The following NBDY variants were observed in gnomAD, a reference collection of about 807,000 sequenced individuals.
NBDY encodes the protein negative regulator of P-body association.
intron 2 of NBDY, among the ~76,000 whole-genome samples, chrX:56,735,902 T>C (rs1289010975): frequency 9.4e-6 from 1 of 106,553 alleles, no homozygotes; most frequent in African/African-American, 3.5e-5. Context: ...CAAAAGAAAA[T>C]TGACATGATT....
chrX:56,760,178 C>A (rs1471622703), intron 2 of NBDY, among the ~76,000 whole-genome samples: 1 of 113,084 alleles, frequency 8.8e-6, no homozygotes, highest in African/African-American at 3.2e-5. Context: ...TGGGGGGAAA[C>A]CCTGCCTTGG....
In NBDY at chrX:56,746,139, C is replaced by T. The variant is rs778917580; in HGVS notation, c.*166+13940C>T. On this transcript the variant is annotated intron_variant, in intron 2 of 2. Transcript: ENST00000374922. ...CCTACTTCAGAGCATTTACTTAGTCCGGTTGGTTGTCTGTCTGTGTATTCA... is the reference window on the plus strand; with the variant it reads ...CCTACTTCAGAGCATTTACTTAGTCTGGTTGGTTGTCTGTCTGTGTATTCA... Among the ~76,000 whole-genome samples, 99 of 111,560 alleles carry T rather than the reference C, an allele frequency of 8.9e-4. No individual in the cohort carries two copies. In the Middle Eastern group the frequency reaches 0.014, roughly 16 times the overall value.
rs370414415 is a variant in NBDY, at chrX:56,750,332, A to G, written c.*166+18133A>G. Among the ~76,000 whole-genome samples the G allele has an allele frequency of 4.1e-3, 460 of 111,070 alleles. 1 individual carries two copies. The highest frequency in any genetic ancestry group is 5.7e-3 in the Non-Finnish European group (304 of 52,969). On this transcript the variant is annotated intron_variant, in intron 2 of 2. Transcript: ENST00000374922. Reference sequence around the variant, plus strand: ...TCTTCTCTTCTAGTTCTCCTTTTACATATCTGGCCATTGTTTCTAACTATT... The same window carrying G: ...TCTTCTCTTCTAGTTCTCCTTTTACGTATCTGGCCATTGTTTCTAACTATT...
At chrX:56,794,706 C>G (rs977998234) in intron 2 of NBDY, among the ~76,000 whole-genome samples, 2 of 111,847 alleles carry the variant, frequency 1.8e-5, no homozygotes, top group Non-Finnish European at 3.8e-5. Flanking sequence ...TGGGCCCCTG[C>G]CGATTCCTCT....
chrX:56,758,689 A>G (rs1228339498), intron 2 of NBDY, among the ~76,000 whole-genome samples: 1 of 111,789 alleles, frequency 8.9e-6, no homozygotes, highest in Admixed American at 9.4e-5. Flanking sequence ...GGCAGTGCTC[A>G]GTTTCTCCTG....
intron 2 of NBDY, among the ~76,000 whole-genome samples, chrX:56,744,332 C>T (rs187450319): frequency 1.4e-3 from 154 of 111,488 alleles, no homozygotes; most frequent in African/African-American, 4.7e-3. Flanking sequence ...CTGTAAATAT[C>T]TGTTAGGTCC....
intron 2 of NBDY, among the ~76,000 whole-genome samples, chrX:56,767,483 G>C (rs1335908765): frequency 8.8e-6 from 1 of 113,126 alleles, no homozygotes; most frequent in African/African-American, 3.2e-5. Context: ...CTTGCGGGGA[G>C]GTGTGGAGGG....
At chrX:56,792,243 C>T (rs755401583) in intron 2 of NBDY, among the ~76,000 whole-genome samples, 2 of 111,251 alleles carry the variant, frequency 1.8e-5, no homozygotes, top group South Asian at 3.8e-4. Flanking sequence ...TCGTGGTGAA[C>T]GCACCCTTAC....
intron 2 of NBDY, among the ~76,000 whole-genome samples, chrX:56,742,180 T>G (rs1374050673): frequency 1.8e-5 from 2 of 111,531 alleles, no homozygotes; most frequent in African/African-American, 6.5e-5. Context: ...TTATCTTTCA[T>G]TGGTCTATGT....
rs1004004964 is a variant in NBDY, at chrX:56,749,653, C to T, written c.*166+17454C>T. ...TGTTGTCATGTCCCCACATTTGCAT[C>T]CTTTTTTTTTTTTTTTGAGACAGGG... On this transcript the variant is annotated intron_variant, in intron 2 of 2. Coordinates refer to ENST00000374922, the MANE Select transcript of NBDY (RefSeq NM_001348129.2). 8.1e-5 allele frequency among the ~76,000 whole-genome samples: 3 copies of T among 36,915 alleles called. No homozygotes were observed. The Admixed American group carries it at 1.8e-3, about 22-fold the overall frequency. 32.1% of individuals were successfully genotyped at this position (36,915 alleles called of 115,157 possible).
intron 1 of NBDY, among the ~76,000 whole-genome samples, chrX:56,731,731 A>T (rs1288107740): frequency 8.9e-6 from 1 of 111,737 alleles, no homozygotes; most frequent in African/African-American, 3.2e-5. Context: ...TTTATGTGCC[A>T]ATTTTCTAAA....
intron 2 of NBDY, among the ~76,000 whole-genome samples, chrX:56,797,521 A>G (rs1181529840): frequency 2.7e-5 from 3 of 110,329 alleles, no homozygotes; most frequent in Non-Finnish European, 5.7e-5. Context: ...TTCCACCAAA[A>G]AGCTGTCCTC....
chrX:56,756,314 T>A (rs1214807099), intron 2 of NBDY, among the ~76,000 whole-genome samples: 1 of 108,564 alleles, frequency 9.2e-6, no homozygotes, highest in Non-Finnish European at 1.9e-5. Context: ...AATAAATAAA[T>A]AATAAAATGG....
At chrX:56,751,208 C>T (rs1193954036) in intron 2 of NBDY, among the ~76,000 whole-genome samples, 2 of 110,448 alleles carry the variant, frequency 1.8e-5, no homozygotes, top group African/African-American at 6.6e-5. Context: ...TTTCTTTGTA[C>T]ATTTGACTCC....
intron 2 of NBDY, among the ~76,000 whole-genome samples, chrX:56,733,974 T>A (rs1474699020): frequency 8.9e-6 from 1 of 112,671 alleles, no homozygotes; most frequent in Non-Finnish European, 1.9e-5. Flanking sequence ...TAGTTTTTAT[T>A]CTTACTGCTG....
At chrX:56,740,778 T>C (rs2146714326) in intron 2 of NBDY, among the ~76,000 whole-genome samples, 1 of 111,287 alleles carries the variant, frequency 9.0e-6, no homozygotes, top group South Asian at 3.8e-4. Context: ...TTATGGGGTA[T>C]ATGAGATGTT....
intron 2 of NBDY, among the ~76,000 whole-genome samples, chrX:56,810,078 G>C (rs929221642): frequency 9.2e-6 from 1 of 108,698 alleles, no homozygotes; most frequent in Admixed American, 9.8e-5. Flanking sequence ...TTGAATATTG[G>C]CCCCCACTCT....
intron 2 of NBDY, among the ~76,000 whole-genome samples, chrX:56,781,421 C>A (rs1228141074): frequency 8.9e-6 from 1 of 111,817 alleles, no homozygotes. Context: ...CCTGGCCCAA[C>A]AGATCTTTGT....
intron 2 of NBDY, among the ~76,000 whole-genome samples, chrX:56,745,851 G>A (rs954898302): frequency 2.8e-5 from 3 of 107,356 alleles, no homozygotes; most frequent in African/African-American, 1.0e-4. Flanking sequence ...TAGTTTAAGC[G>A]TTTTTAGCAA....
Sources: gnomAD v4.1 joint callset for allele counts (sites outside exome capture counted in the v4.1 genomes callset) on GRCh38, gnomAD v4.1.1 for gene constraint, MANE v1.5 for transcripts, NCBI Gene and HGNC (gene_info 2026-07-23, HGNC 2026-07-21) for gene names.